The following LRBA variants were observed in gnomAD, a reference collection of about 807,000 sequenced individuals.
LRBA encodes the protein lipopolysaccharide-responsive and beige-like anchor protein.
Under a neutral mutation model 330.0 loss-of-function variants are expected in LRBA, and 176 were observed. The observed-to-expected ratio is 0.53, with a 90% CI of 0.47 to 0.60. The LOEUF (loss-of-function observed/expected upper bound fraction) is 0.60, where lower values mean the gene tolerates loss of function less well. Among genes scored for constraint, LRBA ranks in the 20% least tolerant of loss-of-function variants. The probability of loss-of-function intolerance (pLI) is 0.00; values close to 1 mark genes in which losing one functional copy is unlikely to be tolerated. For missense variants in LRBA, 3,259 were observed against 3,444.8 expected, an observed-to-expected ratio of 0.95 and a Z score of 1.35; for synonymous variants, 1,230 against 1,193.0, an observed-to-expected ratio of 1.03 and a Z score of -0.64.
intron 40 of LRBA, among the ~76,000 whole-genome samples, chr4:150,561,445 T>C (rs909882978): frequency 7.9e-5 from 12 of 152,196 alleles, no homozygotes; most frequent in Non-Finnish European, 1.6e-4. Flanking sequence ...CAGCTAACAT[T>C]ATAACAGAGA....
intron 36 of LRBA, among the ~76,000 whole-genome samples, chr4:150,684,839 G>A (rs1387355417): frequency 6.6e-6 from 1 of 152,080 alleles, no homozygotes; most frequent in African/African-American, 2.4e-5. Context: ...CATTGTGGAT[G>A]CTTGCCTCTC....
intron 38 of LRBA, among the ~76,000 whole-genome samples, chr4:150,596,264 G>A (rs1184432144): frequency 6.6e-6 from 1 of 151,720 alleles, no homozygotes; most frequent in Non-Finnish European, 1.5e-5. Context: ...GGTATTGATC[G>A]CCCAAACAGA....
At chr4:150,539,656 T>C (rs777835297) in intron 40 of LRBA, among the ~76,000 whole-genome samples, 9 of 152,212 alleles carry the variant, frequency 5.9e-5, no homozygotes, top group Non-Finnish European at 8.8e-5. Flanking sequence ...GCAGTGATTG[T>C]ATGGCCTCAC....
intron 44 of LRBA, among the ~76,000 whole-genome samples, chr4:150,455,305 T>C (rs897741888): frequency 6.6e-6 from 1 of 152,028 alleles, no homozygotes; most frequent in Non-Finnish European, 1.5e-5. Flanking sequence ...TGACTATAAA[T>C]CATGCTGCTA....
chr4:150,909,728 G>A (rs1731763323), intron 9 of LRBA, among the ~76,000 whole-genome samples: 1 of 151,964 alleles, frequency 6.6e-6, no homozygotes. Context: ...ATTTTTTGAG[G>A]AACCTCATAT....
In LRBA at chr4:150,264,547, T is replaced by C. The variant is rs1430397710; in HGVS notation, c.*1175A>G. On this transcript the variant is annotated 3_prime_UTR_variant, in exon 57 of 57. Transcript: ENST00000651943. ...ACAGATGCCATTTTATTCAGCTTTT[T>C]CTGTCAAACTGAATTGTTCATTCCA... is the stretch of plus-strand genomic sequence containing the variant. 6.6e-6 allele frequency: 1 copy of C among 152,306 alleles called. No homozygotes were observed. 9.4% of individuals were successfully genotyped at this position (152,306 alleles called of 1,614,324 possible).
At chr4:150,685,859 A>G (rs1257931234) in intron 36 of LRBA, among the ~76,000 whole-genome samples, 1 of 152,164 alleles carries the variant, frequency 6.6e-6, no homozygotes, top group East Asian at 1.9e-4. Context: ...AGCAAAGGCA[A>G]GGCAGAAAAA....
In LRBA at chr4:150,828,612, G is replaced by C. The variant is rs1746639235; in HGVS notation, c.4739C>G (p.Pro1580Arg). Reference sequence around the variant, plus strand: ...CGTAGTTAAAGTGCTGAATGCTGCTGGTGTGATTTCTATATCATACCCAGA... The same window carrying C: ...CGTAGTTAAAGTGCTGAATGCTGCTCGTGTGATTTCTATATCATACCCAGA... Reference protein sequence around the residue: ...NENVSLSEITPAAFSTLTTAS... With the variant: ...NENVSLSEITRAAFSTLTTAS... Residue 1580 changes from proline to arginine, a missense_variant, in exon 30 of 57, where the codon CCA (proline) becomes CGA (arginine). Coordinates refer to ENST00000651943, the MANE Select transcript of LRBA (RefSeq NM_001364905.1). The C allele has an allele frequency of 6.2e-7, 1 of 1,612,416 alleles. No homozygotes were observed. The highest frequency in any genetic ancestry group is 8.5e-7 in the Non-Finnish European group (1 of 1,179,314).
intron 38 of LRBA, among the ~76,000 whole-genome samples, chr4:150,591,965 T>C (rs763640387): frequency 3.3e-5 from 5 of 152,056 alleles, no homozygotes; most frequent in Non-Finnish European, 5.9e-5. Context: ...AACTTCTAAA[T>C]TGTGATTTGT....
At chr4:150,842,017 T>C (rs1749161580) in intron 28 of LRBA, among the ~76,000 whole-genome samples, 2 of 152,208 alleles carry the variant, frequency 1.3e-5, no homozygotes, top group South Asian at 4.1e-4. Flanking sequence ...CTCTAGCATG[T>C]AAAATATAGT....
At chr4:150,954,974 T>A (rs1174865706) in intron 2 of LRBA, among the ~76,000 whole-genome samples, 1 of 148,582 alleles carries the variant, frequency 6.7e-6, no homozygotes, top group African/African-American at 2.6e-5. Flanking sequence ...TATAAAAGAA[T>A]AAGTGAAGAA....
chr4:150,313,397 G>C (rs1361428146), intron 51 of LRBA, among the ~76,000 whole-genome samples: 5 of 152,116 alleles, frequency 3.3e-5, no homozygotes, highest in African/African-American at 1.2e-4. Flanking sequence ...CACTATGCCA[G>C]AATGTATAAC....
chr4:150,782,753 T>C (rs1738450816), intron 34 of LRBA, among the ~76,000 whole-genome samples: 1 of 152,100 alleles, frequency 6.6e-6, no homozygotes, highest in African/African-American at 2.4e-5. Flanking sequence ...GGATTTGTCA[T>C]GGCTATTTGT....
At chr4:150,644,149 T>C (rs752204316) in intron 37 of LRBA, among the ~76,000 whole-genome samples, 34 of 151,968 alleles carry the variant, frequency 2.2e-4, no homozygotes, top group Non-Finnish European at 3.7e-4. Context: ...GTCTGAATTA[T>C]TTTGTTTTAG....
At chr4:150,867,226 G>C (rs528611471) in intron 22 of LRBA, among the ~76,000 whole-genome samples, 1 of 150,946 alleles carries the variant, frequency 6.6e-6, no homozygotes, top group East Asian at 1.9e-4. Context: ...TCCACCTTAC[G>C]TTGCTAAAAC....
chr4:150,501,255 A>T (rs1760215797), intron 40 of LRBA, among the ~76,000 whole-genome samples: 1 of 152,166 alleles, frequency 6.6e-6, no homozygotes, highest in African/African-American at 2.4e-5. Flanking sequence ...TTCTATTCAC[A>T]GTATCTAGCA....
rs2126915768 is a variant in LRBA at position 150,683,567 on chromosome 4, C to G, written c.5905G>C (p.Gly1969Arg). 1 of 1,613,714 alleles carries G rather than the reference C, an allele frequency of 6.2e-7. No individual in the cohort carries two copies. Among genetic ancestry groups the G allele is most frequent in the Admixed American group, 1.7e-5 (1 of 59,992 alleles). ...NILTDKHGAW[G>R]NSAVSRPLEF... ...TCCCTTTACCTCACTGCAGAATTTC[C>G]CCAGGCTCCATGCTTGTCTGTGAGA... The change falls in exon 37 of 57, where the codon GGA (glycine) becomes CGA (arginine). Residue 1969 changes from glycine (G) to arginine (R), a missense_variant. Gly to Arg is a moderately radical substitution (Grantham distance 125). Transcript: ENST00000651943.
chr4:150,459,135 T>C (rs551688512), intron 44 of LRBA, among the ~76,000 whole-genome samples: 1 of 152,006 alleles, frequency 6.6e-6, no homozygotes, highest in East Asian at 1.9e-4. Context: ...GGGGATGGTA[T>C]AAGCTTAGCT....
At position 150,982,663 on chromosome 4, in the gene LRBA, T is replaced by C. The variant is rs1424609617; in HGVS notation, c.216+31764A>G. 2.6e-5 allele frequency among the ~76,000 whole-genome samples: 4 copies of C among 151,710 alleles called. No individual in the cohort carries two copies. The South Asian group carries it at 6.2e-4, about 24-fold the overall frequency. On this transcript the variant is annotated intron_variant, in intron 2 of 56. Coordinates refer to ENST00000651943, the MANE Select transcript of LRBA (RefSeq NM_001364905.1). ...CAGTTTCTCTTGTAATTTGCATTTT[T>C]TACCACCACATTTCCCCTTCTGGAA...
Sources: allele counts gnomAD v4.1 joint callset (sites outside exome capture counted in the v4.1 genomes callset), GRCh38; gene constraint gnomAD v4.1.1; transcripts MANE v1.5; gene names NCBI Gene and HGNC (gene_info 2026-07-23, HGNC 2026-07-21).